Variants in GRIK5 observed in about 807,000 individuals in gnomAD.
GRIK5 encodes glutamate receptor ionotropic, kainate 5.
A neutral mutation model predicts 97.4 loss-of-function variants in GRIK5; 43 were observed. The observed-to-expected ratio is 0.44, with a 90% CI of 0.35 to 0.57. The LOEUF is 0.57. Ranked by LOEUF, GRIK5 falls within the 20% of genes least tolerant of loss-of-function variation. GRIK5 has a pLI of 0.01. For synonymous variants in GRIK5, 580 were observed against 583.5 expected (o/e 0.99, Z 0.09); for missense variants, 1,015 against 1,382.0 (o/e 0.73, Z 4.21).
In GRIK5 at chr19:42,065,337, A is replaced by G. The variant is rs1251700112; in HGVS notation, c.130T>C (p.Leu44=). The change falls in exon 3 of 20, where the codon TTG becomes CTG. Residue 44 remains leucine, a synonymous_variant. Transcript: ENST00000593562. The surrounding 1 kb of genome is among the most constrained non-coding windows in gnomAD (Gnocchi z 5.8). Reference sequence around the variant, plus strand: ...TTGATCTGCTCCCGGGCCAAGGCCAAGGCCAGACGCTCACCGCGGCCACAC... The same window carrying G: ...TTGATCTGCTCCCGGGCCAAGGCCAGGGCCAGACGCTCACCGCGGCCACAC... ...TVCGRGERLA[L]ALAREQINGI... is the part of the protein sequence containing the mutation. The G allele has an allele frequency of 3.1e-6, 5 of 1,609,716 alleles. No homozygotes were observed. The highest frequency in any genetic ancestry group is 4.2e-6 in the Non-Finnish European group (5 of 1,178,300).
intron 15 of GRIK5, among the ~76,000 whole-genome samples, chr19:42,019,540 A>G (rs1195920150): frequency 6.6e-6 from 1 of 152,244 alleles, no homozygotes. Flanking sequence ...CCTAATCCCC[A>G]GAACACATGA....
intron 12 of GRIK5, among the ~76,000 whole-genome samples, chr19:42,025,533 C>G (rs1411509454): frequency 6.6e-6 from 1 of 152,162 alleles, no homozygotes; most frequent in Non-Finnish European, 1.5e-5. Flanking sequence ...CTCTCCCTGA[C>G]ACTGCTCCAC....
chr19:42,028,097 T>C (rs763123429), intron 12 of GRIK5, among the ~76,000 whole-genome samples: 3 of 152,176 alleles, frequency 2.0e-5, no homozygotes, highest in Admixed American at 6.5e-5. Flanking sequence ...CTTCCCAAAG[T>C]GCTAGGATTA....
chr19:42,030,065 T>C (rs2075823117), intron 12 of GRIK5, among the ~76,000 whole-genome samples: 1 of 152,242 alleles, frequency 6.6e-6, no homozygotes, highest in Non-Finnish European at 1.5e-5. Context: ...TTTTACCCCT[T>C]AAGTTAGCTG....
rs1361684024 is a variant in GRIK5 at position 42,047,987 on chromosome 19, A to AG, written c.1270-5233_1270-5232insC. 1.1e-4 allele frequency among the ~76,000 whole-genome samples: 16 copies of AG among 151,720 alleles called. No homozygotes were observed. The East Asian group carries it at 1.7e-3, about 16-fold the overall frequency. On this transcript the variant is annotated intron_variant, in intron 11 of 19. Transcript: ENST00000593562. ...GACTCTGTCTCAAAAAAAAAAAAAA[A>AG]AAAAAGAAAAAAATGTATTTTGACT...
intron 3 of GRIK5, among the ~76,000 whole-genome samples, chr19:42,064,222 T>C (rs987904234): frequency 6.6e-6 from 1 of 152,168 alleles, no homozygotes; most frequent in Non-Finnish European, 1.5e-5. Flanking sequence ...CACTCCCTGG[T>C]ATAGACCTAT....
chr19:42,021,323 T>C lies in GRIK5; in HGVS notation c.1849A>G (p.Thr617Ala), dbSNP rs2075693642. ...GSEIMPRALS[T>A]RCVSGVWWAF... ...CACCAGACTCCGCTGACACAGCGCG[T>C]GGACAGCGCCCGGGGCATGATCTCC... Residue 617 changes from threonine to alanine, a missense_variant, in exon 15 of 20, where the codon ACG becomes GCG. Physicochemically the swap from Thr to Ala is moderately conservative, Grantham distance 58. Transcript: ENST00000593562. The surrounding 1 kb of genome is among the most constrained non-coding windows in gnomAD (Gnocchi z 4.2). The C allele has an allele frequency of 6.2e-7, 1 of 1,613,016 alleles. No homozygotes were observed. The highest frequency in any genetic ancestry group is 8.5e-7 in the Non-Finnish European group (1 of 1,179,862).
chr19:42,036,269 C>T (rs544412278), intron 12 of GRIK5, among the ~76,000 whole-genome samples: 13 of 152,158 alleles, frequency 8.5e-5, no homozygotes, highest in Admixed American at 3.3e-4. Flanking sequence ...ACCATGTTGG[C>T]GGGGCTGGTC....
At chr19:42,053,094 G>A (rs887140818) in intron 11 of GRIK5, among the ~76,000 whole-genome samples, 5 of 152,188 alleles carry the variant, frequency 3.3e-5, no homozygotes, top group East Asian at 1.9e-4. Flanking sequence ...ACAGGACAAC[G>A]TCCCTGTCTG....
intron 12 of GRIK5, among the ~76,000 whole-genome samples, chr19:42,038,933 A>G (rs1293210847): frequency 6.6e-6 from 1 of 152,034 alleles, no homozygotes; most frequent in Non-Finnish European, 1.5e-5. Context: ...TTCTCCCTGT[A>G]AATGTCATTG....
chr19:41,998,979 C>G lies in GRIK5; in HGVS notation c.2835G>C (p.Ser945=). The G allele has an allele frequency of 8.5e-7, 1 of 1,180,774 alleles. No homozygotes were observed. The highest frequency in any genetic ancestry group is 1.1e-6 in the Non-Finnish European group (1 of 950,622). 73.1% of individuals were successfully genotyped at this position (1,180,774 alleles called of 1,614,324 possible). ...ECRRIQALRA[S]GAGAPPRGLG... ...GGCCACGCGGAGGCGCGCCGGCCCC[C>G]GAGGCCCGCAGCGCCTGGATGCGCC... Residue 945 remains serine (S), a synonymous_variant, in exon 20 of 20, where the codon TCG becomes TCC. Coordinates refer to ENST00000593562, the MANE Select transcript of GRIK5 (RefSeq NM_002088.5).
In GRIK5 at chr19:42,059,405, C is replaced by A. The variant is rs1200553729; in HGVS notation, c.631G>T (p.Val211Leu). The A allele has an allele frequency of 6.8e-6, 11 of 1,613,828 alleles. No homozygotes were observed. Among genetic ancestry groups the A allele is most frequent in the African/African-American group, 4.0e-5 (3 of 74,878 alleles). The change falls in exon 6 of 20, where the codon GTG becomes TTG. Residue 211 changes from valine to leucine, a missense_variant. Physicochemically the swap from Val to Leu is conservative, Grantham distance 32. Transcript: ENST00000593562. ...PLLKEIRDDK[V>L]STIIIDANAS... ...TTGGCGTCGATGATGATGGTGGACA[C>A]CTTGTCATCACGGATCTCCTTGAGC...
At chr19:42,028,033 A>G (rs2075793081) in intron 12 of GRIK5, among the ~76,000 whole-genome samples, 1 of 151,894 alleles carries the variant, frequency 6.6e-6, no homozygotes, top group African/African-American at 2.4e-5. Flanking sequence ...GGGTCTTACT[A>G]TGTTGCCCAG....
At chr19:42,026,950 T>G (rs1370439084) in intron 12 of GRIK5, among the ~76,000 whole-genome samples, 1 of 152,120 alleles carries the variant, frequency 6.6e-6, no homozygotes, top group Non-Finnish European at 1.5e-5. Context: ...TAAGACTATG[T>G]GCCATGCCTG....
Position 42,065,294 on chromosome 19 carries a change from G to A in GRIK5, c.173C>T (p.Pro58Leu). The change falls in exon 3 of 20, where the codon CCA becomes CTA. Residue 58 changes from proline to leucine, a missense_variant. Physicochemically the swap from Pro to Leu is moderately conservative, Grantham distance 98 (BLOSUM62 -3). Transcript: ENST00000593562. This position sits in a 1 kb window ranked among gnomAD's most constrained non-coding sequence, Gnocchi z 5.8. ...REQINGIIEV[P>L]AKARVEVDIF... Reference sequence around the variant, plus strand: ...GTCTACTTCCACTCGGGCCTTGGCTGGGACCTCGATGATCCCGTTGATCTG... The same window carrying A: ...GTCTACTTCCACTCGGGCCTTGGCTAGGACCTCGATGATCCCGTTGATCTG... 6.2e-7 allele frequency: 1 copy of A among 1,613,158 alleles called. No individual in the cohort carries two copies. The highest frequency in any genetic ancestry group is 8.5e-7 in the Non-Finnish European group (1 of 1,179,882).
chr19:42,067,507 C>T lies in GRIK5; in HGVS notation c.-50-1687G>A, dbSNP rs192804131. Among the ~76,000 whole-genome samples, 945 of 152,176 alleles carry T rather than the reference C, an allele frequency of 6.2e-3. 5 individuals carry two copies. The highest frequency in any genetic ancestry group is 0.02 in the African/African-American group (823 of 41,498). On this transcript the variant is annotated intron_variant, in intron 1 of 19. Transcript: ENST00000593562. Reference sequence around the variant, plus strand: ...AGGGATGCTGGGAGACCCGGAGGAGCGCTCAGAGTGGGAGGAGTGTGAAGG... The same window carrying T: ...AGGGATGCTGGGAGACCCGGAGGAGTGCTCAGAGTGGGAGGAGTGTGAAGG...
Position 42,065,443 on chromosome 19 carries a change from C to A in GRIK5, c.80-56G>T. On this transcript the variant is annotated intron_variant, in intron 2 of 19. Coordinates refer to ENST00000593562, the MANE Select transcript of GRIK5 (RefSeq NM_002088.5). The surrounding 1 kb of genome is among the most constrained non-coding windows in gnomAD (Gnocchi z 5.8). ...TCCTGAGTCCTGAGGAAGGAGGGGG[C>A]TGTGGTCTTAGACTCCAGGGCTCTA... The A allele has an allele frequency of 6.6e-7, 1 of 1,516,840 alleles. No homozygotes were observed. 94.0% of individuals were successfully genotyped at this position (1,516,840 alleles called of 1,614,324 possible). A position where few individuals can be genotyped will look rare whatever the true frequency, so the allele number is the denominator to read the frequency against.
Position 42,006,269 on chromosome 19 carries a change from G to A in GRIK5, c.2038-321C>T, listed in dbSNP as rs997308813. The stretch of plus-strand genomic sequence containing the variant: ...TAGACCACTAGGACCTCCCTGCCAA[G>A]CTTGCTTTCCTCTTCTTTCCTTCCC... On this transcript the variant is annotated intron_variant, in intron 16 of 19. Coordinates refer to ENST00000593562, the MANE Select transcript of GRIK5 (RefSeq NM_002088.5). This position sits in a 1 kb window ranked among gnomAD's most constrained non-coding sequence, Gnocchi z 5.3. 2.0e-5 allele frequency among the ~76,000 whole-genome samples: 3 copies of A among 152,024 alleles called. No homozygotes were observed. The highest frequency in any genetic ancestry group is 2.9e-5 in the Non-Finnish European group (2 of 68,004).
At position 42,022,177 on chromosome 19, in the gene GRIK5, C is replaced by T; in HGVS notation, c.1587+64G>A. On this transcript the variant is annotated intron_variant, in intron 13 of 19. Coordinates refer to ENST00000593562, the MANE Select transcript of GRIK5 (RefSeq NM_002088.5). This position sits in a 1 kb window ranked among gnomAD's most constrained non-coding sequence, Gnocchi z 4.2. The stretch of plus-strand genomic sequence containing the variant: ...TCTGAGGTCCTGGGGCTGTCTGGCT[C>T]CCACTCGCAGGCCCTGAGCCTCCAT... 1 of 1,450,658 alleles carries T rather than the reference C, an allele frequency of 6.9e-7. No homozygotes were observed. The highest frequency in any genetic ancestry group is 1.4e-5 in the African/African-American group (1 of 71,768). 89.9% of individuals were successfully genotyped at this position (1,450,658 alleles called of 1,614,324 possible). A position where few individuals can be genotyped will look rare whatever the true frequency, so the allele number is the denominator to read the frequency against.
Sources: allele counts gnomAD v4.1 joint callset (sites outside exome capture counted in the v4.1 genomes callset), GRCh38; gene constraint gnomAD v4.1.1; non-coding constraint Gnocchi (gnomAD v3.1); transcripts MANE v1.5; gene names NCBI Gene and HGNC (gene_info 2026-07-23, HGNC 2026-07-21).